The following GLG1 variants were observed in gnomAD, a reference collection of about 807,000 sequenced individuals.
GLG1 encodes the protein golgi glycoprotein 1, also known as Golgi apparatus protein 1.
GLG1 carries 38 observed loss-of-function variants against 160.5 expected under a neutral mutation model. The observed-to-expected ratio is 0.24, with a 90% CI of 0.18 to 0.31. GLG1 has a LOEUF of 0.31. Among genes scored for constraint, GLG1 ranks in the 10% least tolerant of loss-of-function variants. The pLI is 1.00. For synonymous variants in GLG1, 644 were observed against 543.4 expected (o/e 1.19, Z -2.57); for missense variants, 1,373 against 1,505.2 (o/e 0.91, Z 1.45).
At chr16:74,581,868 C>A (rs1957945717) in intron 1 of GLG1, among the ~76,000 whole-genome samples, 1 of 152,114 alleles carries the variant, frequency 6.6e-6, no homozygotes, top group African/African-American at 2.4e-5. Context: ...GTCGAGATAG[C>A]GTTACTGCAC....
rs1484710536 is a variant in GLG1, at chr16:74,525,376, T to C, written c.471+6745A>G. On this transcript the variant is annotated intron_variant, in intron 2 of 25. Transcript: ENST00000422840. ...TTGTGGTTAGGATACACATTTCCTT[T>C]TTTTGTTTGCTTTTTAAAGAGACAG... Among the ~76,000 whole-genome samples, 3 of 152,278 alleles carry C rather than the reference T, an allele frequency of 2.0e-5. No individual in the cohort carries two copies. The South Asian group carries it at 6.2e-4, about 32-fold the overall frequency.
chr16:74,588,186 A>C (rs1276095387), intron 1 of GLG1, among the ~76,000 whole-genome samples: 3 of 152,134 alleles, frequency 2.0e-5, no homozygotes, highest in African/African-American at 7.2e-5. Flanking sequence ...AGCCCAGGAG[A>C]GAAAGAGGGA....
chr16:74,453,298 G>C lies in GLG1; in HGVS notation c.3409C>G (p.Gln1137Glu). The stretch of plus-strand genomic sequence containing the variant: ...TTCTTAGATGGAGACGTCATTACTT[G>C]CATGGCAAGATCAGAGAAGCCATCT... ...PADGFSDLAM[Q>E]VMTSPSKNYI... Residue 1137 changes from glutamine to glutamate, a missense_variant, in exon 26 of 26, where the codon CAA becomes GAA. By Grantham distance (29) the Gln-to-Glu change is conservative. This residue lies in a region of GLG1 where 491 missense variants were observed against 632.1 expected (regional missense o/e 0.78). Transcript: ENST00000422840. 1.9e-6 allele frequency: 3 copies of C among 1,613,684 alleles called. No homozygotes were observed. Among genetic ancestry groups the C allele is most frequent in the Non-Finnish European group, 8.5e-7 (1 of 1,179,600 alleles).
chr16:74,565,259 G>A lies in GLG1; in HGVS notation c.439-33106C>T, dbSNP rs539848258. 2.6e-5 allele frequency among the ~76,000 whole-genome samples: 4 copies of A among 152,244 alleles called. No individual in the cohort carries two copies. In the South Asian group the frequency reaches 8.3e-4, roughly 32 times the overall value. On this transcript the variant is annotated intron_variant, in intron 1 of 25. Coordinates refer to ENST00000422840, the MANE Select transcript of GLG1 (RefSeq NM_001145667.2). Reference sequence around the variant, plus strand: ...CATGAGAATCACTTGAACCCAGGGGGCAGAAGTTGCAGTGAACCGAGATTT... The same window carrying A: ...CATGAGAATCACTTGAACCCAGGGGACAGAAGTTGCAGTGAACCGAGATTT...
intron 1 of GLG1, among the ~76,000 whole-genome samples, chr16:74,575,325 T>A (rs2018971507): frequency 6.6e-6 from 1 of 152,132 alleles, no homozygotes; most frequent in African/African-American, 2.4e-5. Context: ...GATTTTGAGA[T>A]GCACCATTAC....
At chr16:74,559,164 C>T (rs532044678) in intron 1 of GLG1, among the ~76,000 whole-genome samples, 6 of 152,282 alleles carry the variant, frequency 3.9e-5, no homozygotes, top group African/African-American at 1.4e-4. Context: ...AACCACTGGG[C>T]CTGGCCTTTT....
At chr16:74,577,455 G>A (rs1476871940) in intron 1 of GLG1, among the ~76,000 whole-genome samples, 6 of 140,694 alleles carry the variant, frequency 4.3e-5, no homozygotes, top group African/African-American at 1.1e-4. Flanking sequence ...TCAGGAGGCA[G>A]AAAGTGCAGT....
chr16:74,456,606 ATTTT>A (rs760439885), intron 25 of GLG1, 39 bp downstream of exon 25: 261 of 1,195,982 alleles, frequency 2.2e-4, no homozygotes, highest in Non-Finnish European at 3.0e-4. Context: ...AGTGTTCCAT[ATTTT>A]TTTGTTTTTT....
intron 1 of GLG1, among the ~76,000 whole-genome samples, chr16:74,540,001 A>ATATATATTTTTATATATATATAT (rs2017791712): frequency 1.1e-3 from 1 of 910 alleles, no homozygotes; most frequent in African/African-American, 1.4e-3. Flanking sequence ...TATATTTTAT[A>ATATATATTTTTATATATATATAT]TATATATATT....
At chr16:74,484,458 C>T (rs1223871707) in intron 9 of GLG1, among the ~76,000 whole-genome samples, 3 of 151,920 alleles carry the variant, frequency 2.0e-5, no homozygotes, top group African/African-American at 7.3e-5. Flanking sequence ...GCGCCACCAA[C>T]ACCCCACTAA....
intron 1 of GLG1, among the ~76,000 whole-genome samples, chr16:74,565,003 T>C (rs2018612590): frequency 6.6e-6 from 1 of 152,186 alleles, no homozygotes; most frequent in Non-Finnish European, 1.5e-5. Flanking sequence ...AGTACATTTA[T>C]GGATGCCTAA....
chr16:74,551,679 G>A (rs920175385), intron 1 of GLG1, among the ~76,000 whole-genome samples: 7 of 151,112 alleles, frequency 4.6e-5, no homozygotes, highest in African/African-American at 1.7e-4. Flanking sequence ...GGGAAGAGGT[G>A]TGGGTGTCAG....
intron 15 of GLG1, among the ~76,000 whole-genome samples, chr16:74,470,365 CCTTCCTTCCCTCCCTCCT>C (rs1347842587): frequency 0.018 from 2,618 of 148,362 alleles, 28 homozygotes; most frequent in Non-Finnish European, 0.026. Context: ...TTCCCTCCTT[CCTTCCTTCCCTCCCTCCT>C]TCCTTCCTTC....
Position 74,491,214 on chromosome 16 carries a change from C to A in GLG1, c.1236G>T (p.Gly412=), listed in dbSNP as rs372210730. 3.8e-5 allele frequency: 62 copies of A among 1,611,208 alleles called. No individual in the cohort carries two copies. The highest frequency in any genetic ancestry group is 5.0e-5 in the Non-Finnish European group (59 of 1,177,704). The change falls in exon 8 of 26, where the codon GGG becomes GGT. Residue 412 remains glycine (G), a splice_region_variant and synonymous_variant. Transcript: ENST00000422840. ...CCTGGCACTCACTGCTGACTTGTCGCCCTAAGTTAGGATGTAAGTCATAAC... is the reference window on the plus strand; with the variant it reads ...CCTGGCACTCACTGCTGACTTGTCGACCTAAGTTAGGATGTAAGTCATAAC... The part of the protein sequence containing the change: ...LMCLESAVHR[G]RQVSSECQGE...
At chr16:74,582,406 TC>T (rs1157676421) in intron 1 of GLG1, among the ~76,000 whole-genome samples, 1 of 152,082 alleles carries the variant, frequency 6.6e-6, no homozygotes, top group Non-Finnish European at 1.5e-5. Context: ...CCTCAGGTGA[TC>T]TGCCTGCCTC....
intron 3 of GLG1, among the ~76,000 whole-genome samples, chr16:74,506,029 TA>T (rs59306961): frequency 6.5e-5 from 6 of 92,500 alleles, no homozygotes; most frequent in Non-Finnish European, 1.2e-4. Flanking sequence ...GACTCCATCT[TA>T]AAAAAAAAAA....
At chr16:74,567,155 G>A (rs1050609074) in intron 1 of GLG1, among the ~76,000 whole-genome samples, 23 of 151,640 alleles carry the variant, frequency 1.5e-4, no homozygotes, top group Non-Finnish European at 3.1e-4. Flanking sequence ...ATGATTACAT[G>A]TAATTGTGTG....
chr16:74,587,994 G>T (rs1203634884), intron 1 of GLG1, among the ~76,000 whole-genome samples: 1 of 152,066 alleles, frequency 6.6e-6, no homozygotes, highest in Non-Finnish European at 1.5e-5. Flanking sequence ...AAATTCACTG[G>T]ATGGTATTAA....
intron 1 of GLG1, among the ~76,000 whole-genome samples, chr16:74,576,777 T>G (rs1219887302): frequency 6.6e-6 from 1 of 152,160 alleles, no homozygotes; most frequent in Non-Finnish European, 1.5e-5. Flanking sequence ...AAGAAAAAAT[T>G]TTTATTGTTT....
Sources: gnomAD v4.1 joint callset for allele counts (sites outside exome capture counted in the v4.1 genomes callset) on GRCh38, gnomAD v4.1.1 for gene constraint, gnomAD v4.1.1 regional missense constraint, MANE v1.5 for transcripts, NCBI Gene and HGNC (gene_info 2026-07-23, HGNC 2026-07-21) for gene names.